Variants in PSEN2 observed in about 807,000 individuals in gnomAD.
The protein encoded by PSEN2 is presenilin-2.
Under a neutral mutation model 49.1 loss-of-function variants are expected in PSEN2, and 32 were observed. That is an observed-to-expected ratio of 0.65 (90% confidence interval 0.49 to 0.88). PSEN2 has a LOEUF of 0.88. PSEN2 is among the 40% of genes least tolerant of loss of function. The probability of loss-of-function intolerance (pLI) is 0.00; values close to 1 mark genes in which losing one functional copy is unlikely to be tolerated. For synonymous variants in PSEN2, 255 were observed against 244.0 expected, an observed-to-expected ratio of 1.05 and a Z score of -0.42; for missense variants, 522 against 586.9, an observed-to-expected ratio of 0.89 and a Z score of 1.14.
intron 4 of PSEN2, among the ~76,000 whole-genome samples, chr1:226,882,802 A>T (rs1226347512): frequency 6.6e-6 from 1 of 151,604 alleles, no homozygotes; most frequent in Non-Finnish European, 1.5e-5. Flanking sequence ...CTGCTCTGCC[A>T]CTCCTCAGCC....
chr1:226,899,377 CAT>C (rs1485567312), downstream of PSEN2: 1 of 152,212 alleles, frequency 6.6e-6, no homozygotes, highest in African/African-American at 2.4e-5. Context: ...ACTCTCCTGA[CAT>C]ATACCAAGTT....
rs1661787649 is a variant in PSEN2 at position 226,891,975 on chromosome 1, T to G, written c.1072+131T>G. 5 of 764,024 alleles carry G rather than the reference T, an allele frequency of 6.5e-6. No homozygotes were observed. In the Admixed American group the frequency reaches 1.0e-4, roughly 15 times the overall value. The allele number at this position is 764,024 out of a possible 1,614,324, so 47.3% of individuals were successfully genotyped here. On this transcript the variant is annotated intron_variant, in intron 11 of 12. Transcript: ENST00000366783. The stretch of plus-strand genomic sequence containing the variant: ...CCCCTTTTCCCATCAGAGGCATCTC[T>G]GTGAAAGTAGAAGATGCCTGCAGCG...
chr1:226,891,905 G>A, intron 11 of PSEN2, 61 bp downstream of exon 11: 3 of 1,475,798 alleles, frequency 2.0e-6, no homozygotes, highest in Middle Eastern at 1.8e-4. Context: ...GACAGAGGGT[G>A]GAGGCTCCCT....
chr1:226,902,195 T>A (rs1053791946), intron 12 of PSEN2, among the ~76,000 whole-genome samples: 16 of 152,122 alleles, frequency 1.1e-4, no homozygotes, highest in Non-Finnish European at 1.8e-4. Context: ...GCCACTTAGA[T>A]CCTTGGCGTG....
chr1:226,879,840 C>T lies in PSEN2; in HGVS notation c.-20-2048C>T, dbSNP rs1157585264. ...GTTGTTACTCCTGTACTTGTCTCAT[C>T]TATCCTAAACAGAAGGTGCTGCAGG... On this transcript the variant is annotated intron_variant, in intron 3 of 12. Transcript: ENST00000366783. 5.3e-5 allele frequency among the ~76,000 whole-genome samples: 8 copies of T among 152,356 alleles called. 1 individual carries two copies. The highest frequency in any genetic ancestry group is 1.5e-5 in the Non-Finnish European group (1 of 68,038).
At chr1:226,885,431 C>A in intron 5 of PSEN2, 107 bp from the exon 6 acceptor site, 1 of 1,314,612 alleles carries the variant, frequency 7.6e-7, no homozygotes, top group Non-Finnish European at 1.1e-6. Context: ...ATGTGGGCAG[C>A]ATGGGCATCC....
chr1:226,893,992 T>A lies in PSEN2; in HGVS notation c.1073-15T>A. The A allele has an allele frequency of 6.2e-7, 1 of 1,601,026 alleles. No homozygotes were observed. Among genetic ancestry groups the A allele is most frequent in the Admixed American group, 1.7e-5 (1 of 60,006 alleles). On this transcript the variant is annotated splice_polypyrimidine_tract_variant and intron_variant, in intron 11 of 12. Transcript: ENST00000366783. ...CACGCCTCTTCAGTACGGGTTACTG[T>A]CTCTCCTCACACAGGGGGCGTGAAG...
intron 5 of PSEN2, among the ~76,000 whole-genome samples, 181 bp downstream of exon 5, chr1:226,884,100 T>C (rs370366801): frequency 6.6e-6 from 1 of 152,204 alleles, no homozygotes; most frequent in Non-Finnish European, 1.5e-5. Flanking sequence ...TGTGACCTAC[T>C]TGGGCATGCT....
rs988309223 is a variant in PSEN2 at position 226,891,362 on chromosome 1, G to A, written c.970+1G>A. 1 of 1,610,840 alleles carries A rather than the reference G, an allele frequency of 6.2e-7. No homozygotes were observed. The highest frequency in any genetic ancestry group is 1.7e-5 in the Admixed American group (1 of 59,732). On this transcript the variant is annotated splice_donor_variant, in intron 10 of 12. Transcript: ENST00000366783. LOFTEE classifies it high-confidence loss of function. ...CAGCTCCCCTACGACCCGGAGATGG[G>A]TGAGTATCTTGGGGAGCTAACAGCC...
chr1:226,880,119 A>G (rs1231541160), intron 3 of PSEN2, among the ~76,000 whole-genome samples: 1 of 152,230 alleles, frequency 6.6e-6, no homozygotes, highest in Admixed American at 6.5e-5. Flanking sequence ...CACACTCTGT[A>G]ATACCAGTGC....
intron 5 of PSEN2, 30 bp downstream of exon 5, chr1:226,883,949 G>A (rs1661173403): frequency 6.6e-7 from 1 of 1,505,912 alleles, no homozygotes; most frequent in East Asian, 2.3e-5. Flanking sequence ...GGAGCAGGGT[G>A]GGGTGAGGGC....
chr1:226,876,804 G>T (rs1316844242), intron 3 of PSEN2, among the ~76,000 whole-genome samples: 1 of 152,156 alleles, frequency 6.6e-6, no homozygotes, highest in Admixed American at 6.5e-5. Context: ...CGAAAGGTAT[G>T]CTGTGTTTAA....
At chr1:226,873,650 A>G (rs1660447689) in intron 2 of PSEN2, among the ~76,000 whole-genome samples, 1 of 152,144 alleles carries the variant, frequency 6.6e-6, no homozygotes, top group East Asian at 1.9e-4. Flanking sequence ...TCCTGACCTC[A>G]GGTGATCCGC....
intron 3 of PSEN2, among the ~76,000 whole-genome samples, chr1:226,879,735 T>C (rs1660858238): frequency 6.6e-6 from 1 of 152,220 alleles, no homozygotes. Context: ...TCCTGACAAC[T>C]GATAGACTGT....
intron 6 of PSEN2, 75 bp from the exon 7 acceptor site, chr1:226,888,016 G>C: frequency 1.6e-6 from 2 of 1,239,806 alleles, no homozygotes; most frequent in Non-Finnish European, 2.4e-6. Flanking sequence ...TTGGGTATCA[G>C]TCTCAGGATC....
chr1:226,891,216 C>T (rs1661717685), intron 9 of PSEN2, 62 bp from the exon 10 acceptor site: 1 of 1,472,750 alleles, frequency 6.8e-7, no homozygotes, highest in South Asian at 1.2e-5. Context: ...CCACCTCCCC[C>T]AGGCCCTGCA....
chr1:226,885,062 T>G (rs1467180370), intron 5 of PSEN2, among the ~76,000 whole-genome samples: 1 of 152,022 alleles, frequency 6.6e-6, no homozygotes, highest in East Asian at 1.9e-4. Context: ...GAGTGAGGTT[T>G]GAGTGAATTG....
At chr1:226,882,551 C>G (rs76157777) in intron 4 of PSEN2, among the ~76,000 whole-genome samples, 1 of 152,172 alleles carries the variant, frequency 6.6e-6, no homozygotes. Flanking sequence ...AGTAGGATAT[C>G]GTTGGGAGAG....
At chr1:226,890,983 A>G in intron 9 of PSEN2, 1 of 467,288 alleles carries the variant, frequency 2.1e-6, no homozygotes, top group Non-Finnish European at 3.9e-6. Flanking sequence ...CAGGACTGTC[A>G]TGAGTGTCCC....
Sources: allele counts gnomAD v4.1 joint callset (sites outside exome capture counted in the v4.1 genomes callset), GRCh38; gene constraint gnomAD v4.1.1; transcripts MANE v1.5; gene names NCBI Gene and HGNC (gene_info 2026-07-23, HGNC 2026-07-21).